VPS13C: variants seen among roughly 807,000 people sequenced by gnomAD.
VPS13C encodes vacuolar protein sorting 13 homolog C, also known as intermembrane lipid transfer protein VPS13C.
In VPS13C, 358 loss-of-function variants were observed where a neutral mutation model predicts 456.8. The ratio of observed to expected loss-of-function variants is 0.78; its 90% CI spans 0.72 to 0.86. VPS13C has a LOEUF of 0.86. Among genes scored for constraint, VPS13C ranks in the 40% least tolerant of loss-of-function variants. VPS13C has a pLI of 0.00. For missense variants in VPS13C, 4,818 were observed against 4,385.4 expected, an observed-to-expected ratio of 1.10 and a Z score of -2.79; for synonymous variants, 1,578 against 1,486.7, an observed-to-expected ratio of 1.06 and a Z score of -1.41.
At chr15:61,891,410 C>T (rs1029765256) in intron 66 of VPS13C, among the ~76,000 whole-genome samples, 3 of 152,090 alleles carry the variant, frequency 2.0e-5, no homozygotes, top group Non-Finnish European at 4.4e-5. Flanking sequence ...TTTCAAGGTA[C>T]ATTATGTGAT....
At position 61,962,942 on chromosome 15, in the gene VPS13C, T is replaced by A. The variant is rs1025629110; in HGVS notation, c.3332-90A>T. The stretch of plus-strand genomic sequence containing the variant: ...TTACATTATTTTATTTTGGGGTGAC[T>A]TTTTTAAATTTAGCAATGTTTCAAC... On this transcript the variant is annotated intron_variant, in intron 32 of 84. Coordinates refer to ENST00000644861, the MANE Select transcript of VPS13C (RefSeq NM_020821.3). 3.2e-6 allele frequency: 3 copies of A among 946,084 alleles called. No homozygotes were observed. The East Asian group carries it at 9.1e-5, about 29-fold the overall frequency. 58.6% of individuals were successfully genotyped at this position (946,084 alleles called of 1,614,324 possible).
chr15:62,007,772 G>A (rs1037823650), intron 14 of VPS13C, among the ~76,000 whole-genome samples: 6 of 152,160 alleles, frequency 3.9e-5, no homozygotes, highest in African/African-American at 1.4e-4. Flanking sequence ...ACTGATAAGC[G>A]ATAAAACTTT....
chr15:62,009,947 G>A (rs1027263757), intron 13 of VPS13C, among the ~76,000 whole-genome samples: 1 of 152,046 alleles, frequency 6.6e-6, no homozygotes, highest in African/African-American at 2.4e-5. Flanking sequence ...CAGCACTCTG[G>A]GAGGCCGAGG....
chr15:62,002,591 G>C (rs1400489384), intron 15 of VPS13C, among the ~76,000 whole-genome samples: 1 of 152,150 alleles, frequency 6.6e-6, no homozygotes, highest in African/African-American at 2.4e-5. Flanking sequence ...TGAAGTCCTT[G>C]TCCATGCCTA....
intron 28 of VPS13C, among the ~76,000 whole-genome samples, chr15:61,969,059 A>G (rs193130757): frequency 7.9e-5 from 12 of 152,254 alleles, no homozygotes; most frequent in Admixed American, 7.8e-4. Context: ...GCCCTGTGAC[A>G]ATTAGTAAAT....
intron 4 of VPS13C, 36 bp from the exon 5 acceptor site, chr15:62,033,578 G>A (rs1427031008): frequency 1.4e-6 from 2 of 1,418,792 alleles, no homozygotes; most frequent in Non-Finnish European, 1.9e-6. Context: ...AAAAATAAAT[G>A]GAATTAATAA....
intron 47 of VPS13C, among the ~76,000 whole-genome samples, chr15:61,937,161 C>G (rs909035648): frequency 1.3e-5 from 2 of 152,214 alleles, no homozygotes; most frequent in African/African-American, 4.8e-5. Flanking sequence ...AGTTTCTAGT[C>G]TCTACCAAAT....
intron 3 of VPS13C, among the ~76,000 whole-genome samples, chr15:62,037,223 ATAT>A (rs2048035552): frequency 1.2e-5 from 1 of 81,454 alleles, no homozygotes; most frequent in African/African-American, 5.1e-5. Flanking sequence ...ATATTATATA[ATAT>A]ATTATATATA....
In VPS13C at chr15:61,856,603, A is replaced by AC. The variant is rs71431413; in HGVS notation, c.10953-195_10953-194insG. ...ATAAAGAGCAAATATGACACCTACC[A>AC]AGCAACAAAGTAGACTCAAAAATTC... On this transcript the variant is annotated intron_variant, in intron 82 of 84. Transcript: ENST00000644861. The AC allele has an allele frequency of 0.059, 25,876 of 439,572 alleles. 1,003 individuals carry two copies. Among genetic ancestry groups the AC allele is most frequent in the Non-Finnish European group, 0.072 (18,595 of 259,218 alleles). The allele number at this position is 439,572 out of a possible 1,614,324, so 27.2% of individuals were successfully genotyped here.
intron 16 of VPS13C, among the ~76,000 whole-genome samples, chr15:61,998,018 G>A (rs1464198646): frequency 2.0e-5 from 3 of 152,124 alleles, no homozygotes; most frequent in African/African-American, 2.4e-5. Context: ...ACTCCCACGA[G>A]CAGCCCTCCC....
At chr15:61,919,689 T>C (rs986633151) in intron 57 of VPS13C, among the ~76,000 whole-genome samples, 3 of 151,654 alleles carry the variant, frequency 2.0e-5, no homozygotes, top group Non-Finnish European at 4.4e-5. Flanking sequence ...ACTTATTTCT[T>C]ATTCTCTCAA....
intron 1 of VPS13C, 131 bp downstream of exon 1, chr15:62,060,144 T>C (rs2140834928): frequency 4.4e-6 from 2 of 459,446 alleles, no homozygotes; most frequent in Admixed American, 8.7e-5. Context: ...CTCCCGCATC[T>C]AGCACCTGCC....
In VPS13C at chr15:61,958,978, T is replaced by C. The variant is rs556675270; in HGVS notation, c.4057-262A>G. 1.9e-4 allele frequency among the ~76,000 whole-genome samples: 29 copies of C among 152,156 alleles called. No homozygotes were observed. The East Asian group carries it at 1.9e-3, about 10-fold the overall frequency. ...GCTCCAATGACTTGACTTATGTTTA[T>C]TGAAAGTTAATTATGATCAAAGAAA... On this transcript the variant is annotated intron_variant, in intron 36 of 84. Transcript: ENST00000644861.
chr15:61,895,742 A>G (rs1424872035), intron 66 of VPS13C, among the ~76,000 whole-genome samples: 1 of 152,174 alleles, frequency 6.6e-6, no homozygotes, highest in Non-Finnish European at 1.5e-5. Context: ...CATATGTGGT[A>G]GCTAAAAAAC....
chr15:62,040,690 A>ATG (rs2048212298), intron 3 of VPS13C, among the ~76,000 whole-genome samples: 2 of 152,244 alleles, frequency 1.3e-5, no homozygotes, highest in South Asian at 4.1e-4. Context: ...ATACACATGG[A>ATG]CCACCTAAAT....
At chr15:61,989,128 C>T (rs970391575) in intron 18 of VPS13C, among the ~76,000 whole-genome samples, 49 of 151,606 alleles carry the variant, frequency 3.2e-4, no homozygotes, top group African/African-American at 1.2e-3. Context: ...TGGTGGCTCA[C>T]ACCTGTAATC....
intron 66 of VPS13C, among the ~76,000 whole-genome samples, chr15:61,896,946 T>A (rs1263186451): frequency 1.3e-5 from 2 of 152,202 alleles, no homozygotes; most frequent in Non-Finnish European, 2.9e-5. Context: ...GCCTGACCCC[T>A]GACCCCCGAG....
chr15:61,951,747 AAT>A (rs2044801774), intron 39 of VPS13C, 75 bp downstream of exon 39: 1 of 1,407,448 alleles, frequency 7.1e-7, no homozygotes, highest in East Asian at 2.4e-5. Flanking sequence ...CACAGAAATC[AAT>A]ATGTTTAATG....
intron 66 of VPS13C, among the ~76,000 whole-genome samples, chr15:61,893,301 G>A (rs994619178): frequency 4.6e-5 from 7 of 152,138 alleles, no homozygotes; most frequent in African/African-American, 1.7e-4. Context: ...AGGAAACCAT[G>A]CCCTGCAGGA....
Sources: allele counts gnomAD v4.1 joint callset (sites outside exome capture counted in the v4.1 genomes callset), GRCh38; gene constraint gnomAD v4.1.1; transcripts MANE v1.5; gene names NCBI Gene and HGNC (gene_info 2026-07-23, HGNC 2026-07-21).